LRRC37A2: variants seen among roughly 807,000 people sequenced by gnomAD.
The protein encoded by LRRC37A2 is leucine-rich repeat-containing protein 37A2.
Under a neutral mutation model 68.8 loss-of-function variants are expected in LRRC37A2, and 9 were observed. The observed-to-expected ratio is 0.13, with a 90% CI of 0.08 to 0.23. LRRC37A2 has a LOEUF of 0.23. LRRC37A2 is among the 10% of genes least tolerant of loss of function. The probability of loss-of-function intolerance (pLI) is 1.00; values close to 1 mark genes in which losing one functional copy is unlikely to be tolerated. For synonymous variants in LRRC37A2, 63 were observed against 367.6 expected (o/e 0.17, Z 9.48); for missense variants, 168 against 950.4 (o/e 0.18, Z 10.82).
the LRRC37A2 span, among the ~76,000 whole-genome samples, chr17:46,721,063 G>A: frequency 6.6e-6 from 1 of 152,162 alleles, no homozygotes; most frequent in African/African-American, 2.4e-5. Flanking sequence ...CCGTGTCCTT[G>A]AGCACCACAT....
chr17:46,732,603 T>C, the LRRC37A2 span, among the ~76,000 whole-genome samples: 5 of 152,338 alleles, frequency 3.3e-5, no homozygotes, highest in Admixed American at 6.5e-5. Flanking sequence ...ATGATTGATT[T>C]ATTAGCCCTT....
the LRRC37A2 span, chr17:47,017,141 A>T: frequency 6.2e-7 from 1 of 1,604,362 alleles, no homozygotes. Flanking sequence ...TGTCATAAAG[A>T]CAGGGCGGGA....
chr17:46,499,342 G>GGGT, the LRRC37A2 span, among the ~76,000 whole-genome samples: 1 of 139,502 alleles, frequency 7.2e-6, no homozygotes, highest in African/African-American at 2.7e-5. Flanking sequence ...AAAAGGTGGG[G>GGGT]GGACAATGTT....
chr17:46,872,870 C>T, the LRRC37A2 span: 5 of 1,403,194 alleles, frequency 3.6e-6, no homozygotes, highest in Admixed American at 4.9e-5. Context: ...TCCTGGCTCC[C>T]GTGCCCAGGC....
chr17:46,957,342 G>T, the LRRC37A2 span, among the ~76,000 whole-genome samples: 1 of 152,176 alleles, frequency 6.6e-6, no homozygotes, highest in Non-Finnish European at 1.5e-5. Flanking sequence ...GCTAAGCGCT[G>T]TGGCTCACGC....
chr17:46,878,828 G>A, the LRRC37A2 span, among the ~76,000 whole-genome samples: 1 of 152,226 alleles, frequency 6.6e-6, no homozygotes, highest in African/African-American at 2.4e-5. Context: ...CAGGCTCTAA[G>A]GCATCTAGGC....
the LRRC37A2 span, among the ~76,000 whole-genome samples, chr17:46,811,476 C>T: frequency 6.6e-6 from 1 of 152,132 alleles, no homozygotes; most frequent in Non-Finnish European, 1.5e-5. Flanking sequence ...ACTGTGCTCA[C>T]GAGGGACAGG....
At chr17:47,019,079 AC>A in the LRRC37A2 span, 1 of 1,314,288 alleles carries the variant, frequency 7.6e-7, no homozygotes, top group African/African-American at 1.5e-5. Flanking sequence ...GACATTCTAC[AC>A]CCCCGAAGAG....
chr17:46,762,587 T>C, the LRRC37A2 span: 3 of 150,696 alleles, frequency 2.0e-5, no homozygotes, highest in Admixed American at 2.0e-4. Context: ...AATATATATA[T>C]ATTTATATAA....
the LRRC37A2 span, among the ~76,000 whole-genome samples, chr17:46,694,164 C>T: frequency 2.2e-5 from 3 of 134,596 alleles, no homozygotes; most frequent in Non-Finnish European, 4.4e-5. Context: ...GCAGGTGGAT[C>T]ACTTGAGGCC....
the LRRC37A2 span, chr17:46,979,108 T>C: frequency 8.5e-7 from 1 of 1,174,700 alleles, no homozygotes; most frequent in Non-Finnish European, 1.1e-6. Flanking sequence ...TCGGACCGGC[T>C]CCTGCGGTAC....
chr17:46,980,354 T>C, the LRRC37A2 span, among the ~76,000 whole-genome samples: 183 of 151,242 alleles, frequency 1.2e-3, no homozygotes, highest in African/African-American at 2.8e-3. Context: ...CTTCCTTCCT[T>C]CTTCTTTCTT....
chr17:46,789,595 C>A, the LRRC37A2 span, among the ~76,000 whole-genome samples: 1 of 151,346 alleles, frequency 6.6e-6, no homozygotes, highest in Non-Finnish European at 1.5e-5. Context: ...GAGGTAACCT[C>A]TCAGGGAACA....
the LRRC37A2 span, among the ~76,000 whole-genome samples, chr17:46,803,287 A>G: frequency 2.6e-5 from 4 of 152,214 alleles, no homozygotes; most frequent in Non-Finnish European, 5.9e-5. Flanking sequence ...TAATCCCAGC[A>G]CTTTCGGAGG....
chr17:46,839,746 G>C, the LRRC37A2 span, among the ~76,000 whole-genome samples: 1 of 151,620 alleles, frequency 6.6e-6, no homozygotes, highest in African/African-American at 2.4e-5. Context: ...TGTTCTGATT[G>C]TTCAGTTCCC....
At chr17:46,597,788 CTTTTTTTTTTTTTTT>C in the LRRC37A2 span, among the ~76,000 whole-genome samples, 9 of 44,168 alleles carry the variant, frequency 2.0e-4, no homozygotes, top group African/African-American at 5.6e-4. Flanking sequence ...TTGCAATACT[CTTTTTTTTTTTTTTT>C]TTTTTTTTTT....
At chr17:46,496,604 A>G in the LRRC37A2 span, among the ~76,000 whole-genome samples, 11 of 81,508 alleles carry the variant, frequency 1.3e-4, no homozygotes, top group South Asian at 5.4e-3. Flanking sequence ...CTCCATCTCA[A>G]AAGAAAAAAA....
the LRRC37A2 span, among the ~76,000 whole-genome samples, chr17:47,000,077 A>AATT: frequency 2.0e-4 from 1 of 5,120 alleles, no homozygotes; most frequent in South Asian, 0.011. Context: ...AATAAAATAA[A>AATT]AAATAAAATA....
At chr17:46,957,663 G>A in the LRRC37A2 span, among the ~76,000 whole-genome samples, 1 of 152,198 alleles carries the variant, frequency 6.6e-6, no homozygotes, top group Non-Finnish European at 1.5e-5. Flanking sequence ...GGAAGCCCAG[G>A]TGAGGAGAAG....
Sources: gnomAD v4.1 joint callset for allele counts (sites outside exome capture counted in the v4.1 genomes callset) on GRCh38, gnomAD v4.1.1 for gene constraint, MANE v1.5 for transcripts, NCBI Gene and HGNC (gene_info 2026-07-23, HGNC 2026-07-21) for gene names.